Variants in RBM39 observed in about 807,000 individuals in gnomAD.
RBM39 encodes RNA binding motif protein 39.
RBM39 carries 12 observed loss-of-function variants against 79.6 expected under a neutral mutation model. That is an observed-to-expected ratio of 0.15 (90% CI 0.10 to 0.24). The LOEUF (loss-of-function observed/expected upper bound fraction) is 0.24. Among genes scored for constraint, RBM39 ranks in the 10% least tolerant of loss-of-function variants. The pLI is 1.00. For synonymous variants in RBM39, 185 were observed against 208.4 expected, an observed-to-expected ratio of 0.89 and a Z score of 0.97; for missense variants, 243 against 653.4, an observed-to-expected ratio of 0.37 and a Z score of 6.85.
chr20:35,714,004 T>A (rs1408336973), intron 11 of RBM39, 181 bp downstream of exon 11: 1 of 624,232 alleles, frequency 1.6e-6, no homozygotes, highest in African/African-American at 1.8e-5. Context: ...AAACACATAA[T>A]ATAGATTTCC....
At chr20:35,723,735 G>A (rs543704456) in intron 8 of RBM39, among the ~76,000 whole-genome samples, 1 of 152,306 alleles carries the variant, frequency 6.6e-6, no homozygotes, top group African/African-American at 2.4e-5. Context: ...ATCGCGCCCA[G>A]CCAAAATACT....
chr20:35,715,586 T>A (rs1431380522), intron 10 of RBM39, among the ~76,000 whole-genome samples: 2 of 152,226 alleles, frequency 1.3e-5, no homozygotes, highest in Non-Finnish European at 2.9e-5. Context: ...ATTTAACTGT[T>A]AAGAATGTGT....
At chr20:35,715,293 T>A (rs149167190) in intron 10 of RBM39, among the ~76,000 whole-genome samples, 57 of 152,192 alleles carry the variant, frequency 3.7e-4, no homozygotes, top group African/African-American at 1.1e-3. Context: ...TTCTTCCTCA[T>A]CCTCCCTAGA....
intron 10 of RBM39, 143 bp from the exon 11 acceptor site, chr20:35,714,532 A>C: frequency 8.2e-7 from 1 of 1,216,216 alleles, no homozygotes; most frequent in African/African-American, 1.5e-5. Context: ...GTAAGTAGCA[A>C]ACACAACATA....
At chr20:35,712,336 G>C (rs1458449048) in intron 12 of RBM39, among the ~76,000 whole-genome samples, 2 of 150,322 alleles carry the variant, frequency 1.3e-5, no homozygotes, top group Non-Finnish European at 3.0e-5. Flanking sequence ...GGGAGGCTGA[G>C]GCACGAGAAC....
At chr20:35,712,427 C>T (rs1392235803) in intron 12 of RBM39, among the ~76,000 whole-genome samples, 3 of 95,244 alleles carry the variant, frequency 3.1e-5, no homozygotes, top group Admixed American at 1.8e-4. Flanking sequence ...AGCAAGTCTA[C>T]TGTTATCCAA....
intron 2 of RBM39, chr20:35,740,311 A>G: frequency 3.3e-6 from 1 of 306,844 alleles, no homozygotes; most frequent in South Asian, 2.7e-5. Flanking sequence ...TTACATAGAT[A>G]CATAAATTTT....
In RBM39 at chr20:35,725,019, C is replaced by T; in HGVS notation, c.534+19G>A. ...TGCAATTTCTACCTACTTGACCTCC[C>T]TAAACAGGTTAAGATTACCTTTCCT... is the stretch of plus-strand genomic sequence containing the variant. On this transcript the variant is annotated intron_variant, in intron 7 of 16. Coordinates refer to ENST00000253363, the MANE Select transcript of RBM39 (RefSeq NM_184234.3). 1 of 1,545,340 alleles carries T rather than the reference C, an allele frequency of 6.5e-7. No individual in the cohort carries two copies. Among genetic ancestry groups the T allele is most frequent in the African/African-American group, 1.4e-5 (1 of 73,062 alleles).
intron 10 of RBM39, among the ~76,000 whole-genome samples, 191 bp downstream of exon 10, chr20:35,716,549 C>T (rs1200315059): frequency 6.6e-6 from 1 of 152,046 alleles, no homozygotes; most frequent in Non-Finnish European, 1.5e-5. Context: ...GTTACAAGGG[C>T]ATATTACCCT....
At chr20:35,730,623 A>C (rs534278736) in intron 4 of RBM39, among the ~76,000 whole-genome samples, 14 of 152,230 alleles carry the variant, frequency 9.2e-5, no homozygotes, top group African/African-American at 3.4e-4. Context: ...AGAACTAAGT[A>C]ATTTTTTATT....
chr20:35,740,198 A>G, intron 2 of RBM39: 1 of 160,064 alleles, frequency 6.2e-6, no homozygotes, highest in South Asian at 1.4e-4. Flanking sequence ...TGCCTCTTGT[A>G]TTTTTTTTTT....
intron 13 of RBM39, chr20:35,707,741 A>T: frequency 4.0e-6 from 1 of 247,920 alleles, no homozygotes; most frequent in Non-Finnish European, 8.2e-6. Context: ...ATTAAAAATA[A>T]ATCCTATTAA....
intron 8 of RBM39, among the ~76,000 whole-genome samples, chr20:35,722,525 T>G (rs1470647609): frequency 2.1e-5 from 3 of 145,056 alleles, no homozygotes; most frequent in African/African-American, 7.8e-5. Context: ...ACTCCTAAAC[T>G]TAAGTGATCA....
At chr20:35,714,990 T>A (rs1480134849) in intron 10 of RBM39, among the ~76,000 whole-genome samples, 4 of 152,208 alleles carry the variant, frequency 2.6e-5, no homozygotes, top group Non-Finnish European at 5.9e-5. Flanking sequence ...TTTCATAAAT[T>A]TTCTCCTTTC....
chr20:35,729,669 C>G (rs2039153405), intron 4 of RBM39, 142 bp from the exon 5 acceptor site: 1 of 719,778 alleles, frequency 1.4e-6, no homozygotes, highest in Non-Finnish European at 2.3e-6. Context: ...AAATACTTGT[C>G]TCTTAACTTT....
rs1351911360 is a variant in RBM39 at position 35,731,967 on chromosome 20, T to C, written c.270A>G (p.Arg90=). 5 of 1,613,980 alleles carry C rather than the reference T, an allele frequency of 3.1e-6. No individual in the cohort carries two copies. Among genetic ancestry groups the C allele is most frequent in the Non-Finnish European group, 4.2e-6 (5 of 1,180,044 alleles). ...RRSRSRSRDR[R]FRGRYRSPYS... ...AAGGACTTCTGTAGCGGCCTCTAAA[T>C]CTTCGATCTCGACTTCTTGAGCGGC... The change falls in exon 4 of 17, where the codon AGA becomes AGG. Residue 90 remains arginine (R), a synonymous_variant. Coordinates refer to ENST00000253363, the MANE Select transcript of RBM39 (RefSeq NM_184234.3).
intron 3 of RBM39, among the ~76,000 whole-genome samples, chr20:35,738,733 T>C (rs369412965): frequency 2.0e-5 from 3 of 152,164 alleles, no homozygotes; most frequent in East Asian, 3.8e-4. Context: ...TGTCACCAGA[T>C]TGTCATGATG....
rs553610748 is a variant in RBM39 at position 35,701,733 on chromosome 20, G to A, written c.*2748C>T. On this transcript the variant is annotated 3_prime_UTR_variant, in exon 17 of 17. Coordinates refer to ENST00000253363, the MANE Select transcript of RBM39 (RefSeq NM_184234.3). ...CGAGCCATTGCACTCCAGCCTGGGC[G>A]ACAGAGCGAGACTCTGTCTCAAAAC... 4.5e-4 allele frequency: 68 copies of A among 152,134 alleles called. 1 individual carries two copies. The highest frequency in any genetic ancestry group is 7.1e-4 in the Non-Finnish European group (48 of 68,050). The allele number at this position is 152,134 out of a possible 1,614,324, so 9.4% of individuals were successfully genotyped here.
chr20:35,713,717 G>A (rs953399724), intron 11 of RBM39: 12 of 139,252 alleles, frequency 8.6e-5, no homozygotes, highest in African/African-American at 3.2e-4. Context: ...AAATTAGCCA[G>A]GCGTGGTGGT....
Sources: gnomAD v4.1 joint callset for allele counts (sites outside exome capture counted in the v4.1 genomes callset) on GRCh38, gnomAD v4.1.1 for gene constraint, MANE v1.5 for transcripts, NCBI Gene and HGNC (gene_info 2026-07-23, HGNC 2026-07-21) for gene names.